FRMD4A: variants seen among roughly 807,000 people sequenced by gnomAD.
FRMD4A encodes the protein FERM domain-containing protein 4A.
FRMD4A carries 29 observed loss-of-function variants against 129.1 expected under a neutral mutation model. The observed-to-expected ratio is 0.22, with a 90% CI of 0.17 to 0.31. The LOEUF (loss-of-function observed/expected upper bound fraction) is 0.31. FRMD4A is among the 10% of genes least tolerant of loss of function. FRMD4A has a pLI of 1.00. For synonymous variants in FRMD4A, 634 were observed against 571.6 expected, an observed-to-expected ratio of 1.11 and a Z score of -1.56; for missense variants, 1,272 against 1,375.8, an observed-to-expected ratio of 0.92 and a Z score of 1.19.
Position 14,203,058 on chromosome 10 carries a change from C to T in FRMD4A, c.45+127000G>A, listed in dbSNP as rs559711056. Among the ~76,000 whole-genome samples the T allele has an allele frequency of 3.3e-5, 5 of 152,274 alleles. No individual in the cohort carries two copies. In the South Asian group the frequency reaches 1.0e-3, roughly 32 times the overall value. ...AAAGTGCTGAGATTACAGGTGTGAG[C>T]CACCGTGCCTGGCCACAAGCTGAAT... On this transcript the variant is annotated intron_variant, in intron 2 of 24. Transcript: ENST00000357447.
At chr10:14,307,769 G>A (rs77503641) in intron 2 of FRMD4A, among the ~76,000 whole-genome samples, 2,641 of 152,218 alleles carry the variant, frequency 0.017, 62 homozygotes, top group African/African-American at 0.06. Context: ...CCCTCTCACC[G>A]AGCTCCACGA....
chr10:13,692,121 G>A, intron 15 of FRMD4A: 1 of 145,190 alleles, frequency 6.9e-6, no homozygotes, highest in Non-Finnish European at 1.5e-5. Context: ...GGGGCTTGAA[G>A]CTTATAAAAT....
In FRMD4A at chr10:13,660,456, C is replaced by G. The variant is rs1254216890; in HGVS notation, c.1758G>C (p.Gln586His). The G allele has an allele frequency of 6.2e-7, 1 of 1,614,056 alleles. No individual in the cohort carries two copies. Among genetic ancestry groups the G allele is most frequent in the South Asian group, 1.1e-5 (1 of 91,078 alleles). ...GCATCTGTCGGAGTCCCTCCAGGGACTGGGGAGGAGGAGGCCTGTTGTGCG... is the reference window on the plus strand; with the variant it reads ...GCATCTGTCGGAGTCCCTCCAGGGAGTGGGGAGGAGGAGGCCTGTTGTGCG... ...PPSHNRPPPPQSLEGLRQMHY... is the reference protein window; with the variant it reads ...PPSHNRPPPPHSLEGLRQMHY... Residue 586 changes from glutamine (Q) to histidine (H), a missense_variant, in exon 20 of 25, where the codon CAG becomes CAC. By Grantham distance (24) the Gln-to-His change is conservative. This residue lies in a region of FRMD4A where 972 missense variants were observed against 892.3 expected (regional missense o/e 1.09). Coordinates refer to ENST00000357447, the MANE Select transcript of FRMD4A (RefSeq NM_018027.5).
rs543381891 is a variant in FRMD4A at position 13,647,021 on chromosome 10, C to G, written c.*17G>C. ...ATAGAGGGAGGAATCCAGGAAACAG[C>G]TATCATTGTAGCTCCTGTGGGAGGC... On this transcript the variant is annotated 3_prime_UTR_variant, in exon 25 of 25. Transcript: ENST00000357447. 1.0e-3 allele frequency: 1,005 copies of G among 967,722 alleles called. 12 individuals carry two copies. The South Asian group carries it at 0.024, about 23-fold the overall frequency. 59.9% of individuals were successfully genotyped at this position (967,722 alleles called of 1,614,324 possible). A position where few individuals can be genotyped will look rare whatever the true frequency, so the allele number is the denominator to read the frequency against.
chr10:13,904,336 C>T (rs561075622), intron 2 of FRMD4A, among the ~76,000 whole-genome samples: 1 of 152,214 alleles, frequency 6.6e-6, no homozygotes, highest in South Asian at 2.1e-4. Context: ...CCCGTCCTCC[C>T]TGACACCTGG....
intron 3 of FRMD4A, among the ~76,000 whole-genome samples, chr10:13,858,376 A>G (rs949336445): frequency 3.3e-5 from 5 of 152,352 alleles, no homozygotes; most frequent in Middle Eastern, 3.4e-3. Flanking sequence ...CAGAGGTTGC[A>G]GTGAGCTGAG....
intron 2 of FRMD4A, among the ~76,000 whole-genome samples, chr10:14,156,546 T>G (rs1163119768): frequency 6.6e-6 from 1 of 152,142 alleles, no homozygotes; most frequent in East Asian, 1.9e-4. Context: ...CAGTTACCCC[T>G]GGGAGGGGAG....
intron 14 of FRMD4A, among the ~76,000 whole-genome samples, chr10:13,699,783 C>A (rs553699119): frequency 1.3e-5 from 2 of 152,298 alleles, no homozygotes; most frequent in South Asian, 2.1e-4. Flanking sequence ...CAGCAAAACC[C>A]TGACACCCAC....
At chr10:14,185,394 T>G (rs1293764947) in intron 2 of FRMD4A, among the ~76,000 whole-genome samples, 1 of 152,188 alleles carries the variant, frequency 6.6e-6, no homozygotes, top group African/African-American at 2.4e-5. Flanking sequence ...AGAATGTGCA[T>G]GAAAAAATCT....
intron 12 of FRMD4A, among the ~76,000 whole-genome samples, chr10:13,713,284 T>C (rs2088227666): frequency 6.6e-6 from 1 of 152,178 alleles, no homozygotes; most frequent in Non-Finnish European, 1.5e-5. Flanking sequence ...AGAGGTTAAA[T>C]AAGTAATTGA....
chr10:13,917,917 A>T (rs1160061040), intron 2 of FRMD4A, among the ~76,000 whole-genome samples: 2 of 152,274 alleles, frequency 1.3e-5, no homozygotes, highest in East Asian at 3.9e-4. Flanking sequence ...GATCTCAAAG[A>T]GCTGCAGGAA....
At chr10:13,880,536 C>T (rs1481210579) in intron 2 of FRMD4A, among the ~76,000 whole-genome samples, 1 of 152,194 alleles carries the variant, frequency 6.6e-6, no homozygotes, top group Non-Finnish European at 1.5e-5. Context: ...GGCTCCCCAG[C>T]TCCACAATGG....
chr10:13,877,454 C>T (rs918462799), intron 2 of FRMD4A, among the ~76,000 whole-genome samples: 1 of 152,164 alleles, frequency 6.6e-6, no homozygotes, highest in African/African-American at 2.4e-5. Flanking sequence ...ATCTGAGAAA[C>T]AGGGACGCTC....
chr10:14,182,574 T>C (rs964365603), intron 2 of FRMD4A, among the ~76,000 whole-genome samples: 1 of 152,064 alleles, frequency 6.6e-6, no homozygotes, highest in Non-Finnish European at 1.5e-5. Context: ...TTTTCTCTAA[T>C]TGGCCTATCC....
intron 2 of FRMD4A, among the ~76,000 whole-genome samples, chr10:14,212,013 C>T (rs1044814703): frequency 2.0e-5 from 3 of 152,108 alleles, no homozygotes; most frequent in Admixed American, 2.0e-4. Context: ...GAGATGATGC[C>T]TGGGGTACAG....
intron 5 of FRMD4A, among the ~76,000 whole-genome samples, chr10:13,784,472 T>A (rs2092806845): frequency 6.6e-6 from 1 of 152,242 alleles, no homozygotes; most frequent in South Asian, 2.1e-4. Context: ...GAAGTTCTAT[T>A]CATTTATAGT....
At chr10:14,287,681 A>G (rs528749888) in intron 2 of FRMD4A, among the ~76,000 whole-genome samples, 2 of 152,268 alleles carry the variant, frequency 1.3e-5, no homozygotes, top group South Asian at 4.2e-4. Context: ...TTAGGAAATA[A>G]GGCGCCTCTC....
chr10:13,781,709 G>A (rs1378826351), intron 6 of FRMD4A, among the ~76,000 whole-genome samples: 7 of 152,050 alleles, frequency 4.6e-5, no homozygotes, highest in African/African-American at 7.2e-5. Flanking sequence ...CATTATGCTA[G>A]GTAAAGTAAG....
chr10:14,041,139 G>A (rs1019669608), intron 2 of FRMD4A, among the ~76,000 whole-genome samples: 33 of 152,132 alleles, frequency 2.2e-4, no homozygotes, highest in African/African-American at 5.6e-4. Context: ...GGTTATACTC[G>A]TTTCTTCTTC....
Sources: gnomAD v4.1 joint callset for allele counts (sites outside exome capture counted in the v4.1 genomes callset) on GRCh38, gnomAD v4.1.1 for gene constraint, gnomAD v4.1.1 regional missense constraint, MANE v1.5 for transcripts, NCBI Gene and HGNC (gene_info 2026-07-23, HGNC 2026-07-21) for gene names.